Variants in XPNPEP1 observed in about 807,000 individuals in gnomAD.
XPNPEP1 encodes X-prolyl aminopeptidase 1.
A neutral mutation model predicts 92.4 loss-of-function variants in XPNPEP1; 39 were observed. The observed-to-expected ratio is 0.42, with a 90% confidence interval of 0.33 to 0.55. XPNPEP1 has a LOEUF of 0.55. XPNPEP1 is among the 20% of genes least tolerant of loss of function. The pLI, the probability that XPNPEP1 is intolerant of heterozygous loss-of-function variation, is 0.08. For missense variants in XPNPEP1, 654 were observed against 856.1 expected, an observed-to-expected ratio of 0.76 and a Z score of 2.95; for synonymous variants, 307 against 299.4, an observed-to-expected ratio of 1.03 and a Z score of -0.26.
chr10:109,871,163 C>A, intron 17 of XPNPEP1: 1 of 344,648 alleles, frequency 2.9e-6, no homozygotes, highest in South Asian at 5.5e-5. Context: ...GAGGCCGTAT[C>A]AGACATGGAC....
intron 12 of XPNPEP1, chr10:109,878,472 A>G: frequency 5.8e-6 from 1 of 171,808 alleles, no homozygotes; most frequent in Non-Finnish European, 1.3e-5. Flanking sequence ...TAAAAATAGG[A>G]GGACTGGGTT....
intron 15 of XPNPEP1, among the ~76,000 whole-genome samples, chr10:109,875,080 C>T (rs1219204901): frequency 1.3e-5 from 2 of 152,136 alleles, no homozygotes; most frequent in African/African-American, 4.8e-5. Context: ...AGATGATAGC[C>T]GTGAAAGCAG....
intron 2 of XPNPEP1, 23 bp downstream of exon 2, chr10:109,914,988 T>C (rs1221871881): frequency 1.4e-6 from 2 of 1,478,860 alleles, no homozygotes; most frequent in African/African-American, 1.4e-5. Flanking sequence ...ATGTTCCATC[T>C]AATTTCCAGA....
intron 16 of XPNPEP1, among the ~76,000 whole-genome samples, chr10:109,872,547 G>A (rs182111610): frequency 6.2e-4 from 94 of 152,312 alleles, no homozygotes; most frequent in Non-Finnish European, 9.1e-4. Context: ...AATCCTAGAC[G>A]CAAGGTCCAA....
intron 1 of XPNPEP1, chr10:109,923,141 C>G: frequency 1.0e-6 from 1 of 983,806 alleles, no homozygotes; most frequent in Middle Eastern, 5.2e-4. Flanking sequence ...TGCAGCAGTT[C>G]CGCGGGCATA....
intron 17 of XPNPEP1, among the ~76,000 whole-genome samples, chr10:109,871,507 C>A (rs7075964): frequency 0.15 from 22,963 of 152,186 alleles, 2,184 homozygotes; most frequent in South Asian, 0.39. Flanking sequence ...ACCTTCATAT[C>A]TGGTTTGTCC....
chr10:109,873,269 A>G (rs147857033), intron 16 of XPNPEP1, 98 bp downstream of exon 16: 17,014 of 1,422,442 alleles, frequency 0.012, 118 homozygotes, highest in Non-Finnish European at 0.014. Context: ...ACTACCCCAC[A>G]TGTAATTTTT....
intron 2 of XPNPEP1, among the ~76,000 whole-genome samples, chr10:109,913,809 T>A (rs1850018344): frequency 6.6e-6 from 1 of 152,228 alleles, no homozygotes; most frequent in Non-Finnish European, 1.5e-5. Context: ...CAACTGAAGC[T>A]ACCTAACCTC....
intron 2 of XPNPEP1, among the ~76,000 whole-genome samples, chr10:109,911,951 C>T (rs1849900168): frequency 6.6e-6 from 1 of 152,166 alleles, no homozygotes; most frequent in African/African-American, 2.4e-5. Flanking sequence ...ATAACGTTAA[C>T]ACAACCAATC....
chr10:109,873,228 T>C, intron 16 of XPNPEP1, 139 bp downstream of exon 16: 1 of 929,566 alleles, frequency 1.1e-6, no homozygotes, highest in Non-Finnish European at 1.7e-6. Context: ...GTAAAGCAGA[T>C]AAGCCTGACT....
intron 19 of XPNPEP1, 75 bp downstream of exon 19, chr10:109,869,878 T>C (rs1034358460): frequency 1.6e-5 from 23 of 1,450,632 alleles, no homozygotes; most frequent in Non-Finnish European, 2.2e-5. Context: ...AGTGGCAGTA[T>C]TGTAGCCAAT....
intron 14 of XPNPEP1, 82 bp downstream of exon 14, chr10:109,877,708 T>A: frequency 6.5e-7 from 1 of 1,546,782 alleles, no homozygotes; most frequent in Non-Finnish European, 8.9e-7. Flanking sequence ...CAGAGGCCTC[T>A]GGTAAAATAA....
chr10:109,873,258 T>C, intron 16 of XPNPEP1, 109 bp downstream of exon 16: 1 of 1,310,280 alleles, frequency 7.6e-7, no homozygotes. Context: ...GGAGCAATTT[T>C]ACTACCCCAC....
In XPNPEP1 at chr10:109,907,747, C is replaced by T. The variant is rs1270339601; in HGVS notation, c.190G>A (p.Glu64Lys). 6.2e-7 allele frequency: 1 copy of T among 1,614,234 alleles called. No homozygotes were observed. The highest frequency in any genetic ancestry group is 2.2e-5 in the East Asian group (1 of 44,880). The change falls in exon 3 of 21, where the codon GAG (glutamate) becomes AAG (lysine). Residue 64 changes from glutamate (E) to lysine (K), a missense_variant. Coordinates refer to ENST00000502935, the MANE Select transcript of XPNPEP1 (RefSeq NM_020383.4). Reference protein sequence around the residue: ...RQLRQAMRNSEYVTEPIQAYI... With the variant: ...RQLRQAMRNSKYVTEPIQAYI... ...GCCTGGATCGGTTCGGTCACATACTCAGAGTTCCTCATGGCTTGTCTCAGC... is the reference window on the plus strand; with the variant it reads ...GCCTGGATCGGTTCGGTCACATACTTAGAGTTCCTCATGGCTTGTCTCAGC...
chr10:109,878,933 A>C (rs1289454734), intron 12 of XPNPEP1, among the ~76,000 whole-genome samples: 1 of 152,084 alleles, frequency 6.6e-6, no homozygotes, highest in Non-Finnish European at 1.5e-5. Context: ...ACATGTAAAA[A>C]TAATTTATAT....
chr10:109,905,178 G>T (rs2133513032), intron 3 of XPNPEP1, among the ~76,000 whole-genome samples: 1 of 152,286 alleles, frequency 6.6e-6, no homozygotes, highest in East Asian at 1.9e-4. Flanking sequence ...AATACTGCAT[G>T]ATTCCAATTA....
chr10:109,918,280 G>T (rs1229891132), intron 1 of XPNPEP1, among the ~76,000 whole-genome samples: 1 of 152,080 alleles, frequency 6.6e-6, no homozygotes. Flanking sequence ...AATGAGCCAG[G>T]TTTGGTGGTG....
At chr10:109,880,727 C>A in intron 11 of XPNPEP1, 115 bp downstream of exon 11, 1 of 967,432 alleles carries the variant, frequency 1.0e-6, no homozygotes, top group East Asian at 2.6e-5. Context: ...GGCCAGGAGG[C>A]TGAGGCTCAG....
intron 1 of XPNPEP1, 54 bp downstream of exon 1, chr10:109,923,348 C>T (rs895657681): frequency 1.0e-5 from 14 of 1,395,870 alleles, no homozygotes; most frequent in South Asian, 4.2e-5. Context: ...CGCGCGGCCG[C>T]GCAGCGAGGG....
Sources: allele counts gnomAD v4.1 joint callset (sites outside exome capture counted in the v4.1 genomes callset), GRCh38; gene constraint gnomAD v4.1.1; transcripts MANE v1.5; gene names NCBI Gene and HGNC (gene_info 2026-07-23, HGNC 2026-07-21).